WDPCP: variants seen among roughly 807,000 people sequenced by gnomAD.
WDPCP encodes the protein WD repeat-containing and planar cell polarity effector protein fritz homolog.
WDPCP carries 71 observed loss-of-function variants against 93.1 expected under a neutral mutation model. The observed-to-expected ratio is 0.76, with a 90% CI of 0.63 to 0.93. WDPCP has a LOEUF of 0.93. Ranked by LOEUF, WDPCP falls within the 40% of genes least tolerant of loss-of-function variation. WDPCP has a pLI of 0.00. For synonymous variants in WDPCP, 315 were observed against 315.0 expected (o/e 1.00, Z 0.00); for missense variants, 844 against 887.4 (o/e 0.95, Z 0.62).
intron 13 of WDPCP, among the ~76,000 whole-genome samples, chr2:63,289,921 A>G (rs1398780732): frequency 1.3e-5 from 2 of 151,518 alleles, no homozygotes; most frequent in African/African-American, 2.4e-5. Context: ...CAGGATATAT[A>G]TTTTTCACAT....
chr2:63,465,039 C>T (rs1452945768), intron 6 of WDPCP, among the ~76,000 whole-genome samples: 1 of 151,222 alleles, frequency 6.6e-6, no homozygotes, highest in Non-Finnish European at 1.5e-5. Context: ...AAACACAGTA[C>T]CATATGTTTT....
chr2:63,179,343 A>G (rs942428305), intron 14 of WDPCP, among the ~76,000 whole-genome samples: 23 of 151,760 alleles, frequency 1.5e-4, no homozygotes, highest in Non-Finnish European at 2.5e-4. Flanking sequence ...ACTTTTCCTC[A>G]TGGAGGAAGG....
intron 3 of WDPCP, chr2:63,622,481 G>A: frequency 1.2e-6 from 2 of 1,613,988 alleles, no homozygotes; most frequent in Non-Finnish European, 8.5e-7. Flanking sequence ...TGTTGTCAGA[G>A]TTCACACAGT....
At chr2:63,572,180 C>G (rs1337804388) in intron 1 of WDPCP, among the ~76,000 whole-genome samples, 1 of 152,172 alleles carries the variant, frequency 6.6e-6, no homozygotes, top group Non-Finnish European at 1.5e-5. Context: ...TCACTCCCTA[C>G]CACCATACTG....
chr2:63,719,320 A>T (rs1054071344), intron 2 of WDPCP, among the ~76,000 whole-genome samples: 1 of 152,114 alleles, frequency 6.6e-6, no homozygotes, highest in African/African-American at 2.4e-5. Flanking sequence ...GCAGGGAGGG[A>T]ATGTGGGACA....
chr2:63,175,102 T>C (rs1427084404), intron 14 of WDPCP, among the ~76,000 whole-genome samples: 1 of 152,314 alleles, frequency 6.6e-6, no homozygotes, highest in East Asian at 1.9e-4. Context: ...ACGAGCATAT[T>C]ATTTATAAAA....
intron 13 of WDPCP, among the ~76,000 whole-genome samples, chr2:63,287,353 T>G (rs1284378458): frequency 1.3e-5 from 2 of 152,112 alleles, no homozygotes; most frequent in African/African-American, 4.8e-5. Flanking sequence ...CAACTTATTT[T>G]TCTAAAAATA....
At chr2:63,798,852 C>T (rs1246123926) in intron 2 of WDPCP, among the ~76,000 whole-genome samples, 1 of 152,098 alleles carries the variant, frequency 6.6e-6, no homozygotes, top group Non-Finnish European at 1.5e-5. Context: ...TAAAATGACA[C>T]ACAGAGGCTG....
Position 63,490,123 on chromosome 2 carries a change from G to A in WDPCP, c.161-2629C>T, listed in dbSNP as rs182592854. On this transcript the variant is annotated intron_variant, in intron 2 of 17. Transcript: ENST00000272321. ...AAAATGTAAAAAAAAAAAAAAAGGC[G>A]GAGGATGAAGAATAACCCAGAATGA... Among the ~76,000 whole-genome samples, 457 of 147,856 alleles carry A rather than the reference G, an allele frequency of 3.1e-3. 2 individuals are homozygous for A. The highest frequency in any genetic ancestry group is 3.3e-3 in the African/African-American group (132 of 40,514).
At chr2:63,783,448 T>A (rs1670425497) in intron 2 of WDPCP, among the ~76,000 whole-genome samples, 1 of 151,960 alleles carries the variant, frequency 6.6e-6, no homozygotes, top group South Asian at 2.1e-4. Context: ...AAATAAATAA[T>A]CTTTTAAAAC....
chr2:63,491,231 A>G (rs1042487719), intron 2 of WDPCP, among the ~76,000 whole-genome samples: 4 of 151,992 alleles, frequency 2.6e-5, no homozygotes, highest in African/African-American at 9.6e-5. Flanking sequence ...TTCCTACATT[A>G]TCTCTGTTTC....
chr2:63,520,646 C>G (rs1443381542), intron 1 of WDPCP, among the ~76,000 whole-genome samples: 1 of 152,138 alleles, frequency 6.6e-6, no homozygotes, highest in East Asian at 1.9e-4. Flanking sequence ...AATCCCAGCA[C>G]TCTGGGAGGC....
intron 14 of WDPCP, among the ~76,000 whole-genome samples, chr2:63,251,587 G>A (rs1012048825): frequency 2.0e-5 from 3 of 149,454 alleles, no homozygotes; most frequent in South Asian, 2.1e-4. Flanking sequence ...TGCCTCCTGG[G>A]TTCATGCCAT....
intron 1 of WDPCP, among the ~76,000 whole-genome samples, chr2:63,554,495 T>A (rs1705923642): frequency 6.6e-6 from 1 of 151,924 alleles, no homozygotes; most frequent in African/African-American, 2.4e-5. Flanking sequence ...CTATTAAAAA[T>A]ACAAAAAATT....
At chr2:63,776,801 T>C (rs113397762) in intron 2 of WDPCP, among the ~76,000 whole-genome samples, 7 of 152,288 alleles carry the variant, frequency 4.6e-5, no homozygotes, top group African/African-American at 1.7e-4. Context: ...TCCTGTCATT[T>C]GTGACAACAT....
chr2:63,646,895 G>C (rs1043729228), intron 3 of WDPCP, among the ~76,000 whole-genome samples: 1 of 151,954 alleles, frequency 6.6e-6, no homozygotes, highest in Non-Finnish European at 1.5e-5. Flanking sequence ...TCTTCTTTGG[G>C]TTAAATCTGC....
At chr2:63,352,566 T>C (rs1389823936) in intron 12 of WDPCP, among the ~76,000 whole-genome samples, 1 of 152,186 alleles carries the variant, frequency 6.6e-6, no homozygotes, top group Non-Finnish European at 1.5e-5. Flanking sequence ...GATGAATGCA[T>C]TCAGGGAATC....
chr2:63,424,916 C>A (rs1357984632), intron 9 of WDPCP, among the ~76,000 whole-genome samples: 1 of 152,154 alleles, frequency 6.6e-6, no homozygotes, highest in Non-Finnish European at 1.5e-5. Flanking sequence ...TGGCGAGGGG[C>A]TTATCTTTCC....
intron 17 of WDPCP, among the ~76,000 whole-genome samples, chr2:63,124,127 T>A (rs1669735552): frequency 6.6e-6 from 1 of 151,666 alleles, no homozygotes; most frequent in African/African-American, 2.4e-5. Flanking sequence ...TAGGATTATT[T>A]CCTTGGTATA....
Sources: gnomAD v4.1 joint callset for allele counts (sites outside exome capture counted in the v4.1 genomes callset) on GRCh38, gnomAD v4.1.1 for gene constraint, MANE v1.5 for transcripts, NCBI Gene and HGNC (gene_info 2026-07-23, HGNC 2026-07-21) for gene names.